SHANK2: variants seen among roughly 807,000 people sequenced by gnomAD.
SHANK2 encodes SH3 and multiple ankyrin repeat domains protein 2.
Under a neutral mutation model 133.7 loss-of-function variants are expected in SHANK2, and 43 were observed. The ratio of observed to expected loss-of-function variants is 0.32; its 90% CI spans 0.25 to 0.41. The LOEUF (loss-of-function observed/expected upper bound fraction) is 0.41, where lower values mean the gene tolerates loss of function less well. Ranked by LOEUF, SHANK2 falls within the 10% of genes least tolerant of loss-of-function variation. The pLI is 1.00. For synonymous variants in SHANK2, 1,017 were observed against 952.8 expected (o/e 1.07, Z -1.24); for missense variants, 1,994 against 2,235.8 (o/e 0.89, Z 2.18).
chr11:70,550,855 G>T (rs1261384007), intron 17 of SHANK2, among the ~76,000 whole-genome samples: 3 of 152,210 alleles, frequency 2.0e-5, no homozygotes, highest in Non-Finnish European at 1.5e-5. Context: ...CAGCCTCAGG[G>T]CCTCCATGGA....
At chr11:71,077,431 A>G (rs1951236260) in intron 8 of SHANK2, among the ~76,000 whole-genome samples, 2 of 152,170 alleles carry the variant, frequency 1.3e-5, no homozygotes, top group African/African-American at 4.8e-5. Context: ...GATGAAACGG[A>G]ACCGCTGACT....
intron 2 of SHANK2, among the ~76,000 whole-genome samples, chr11:71,150,827 C>T (rs1555107920): frequency 6.6e-6 from 1 of 152,032 alleles, no homozygotes; most frequent in African/African-American, 2.4e-5. Context: ...TCACAAGGCA[C>T]AGATGACAGC....
intron 17 of SHANK2, among the ~76,000 whole-genome samples, chr11:70,520,404 T>C (rs1388205333): frequency 6.6e-6 from 1 of 152,206 alleles, no homozygotes; most frequent in Non-Finnish European, 1.5e-5. Context: ...GTCAGGTCTT[T>C]TGTTCTACCC....
intron 1 of SHANK2, among the ~76,000 whole-genome samples, chr11:71,243,714 T>C (rs1308082689): frequency 6.6e-6 from 1 of 151,928 alleles, no homozygotes; most frequent in African/African-American, 2.4e-5. Flanking sequence ...ATAACAATAA[T>C]AATAATGAGA....
chr11:71,169,236 A>G (rs1254913496), intron 2 of SHANK2, among the ~76,000 whole-genome samples: 1 of 152,154 alleles, frequency 6.6e-6, no homozygotes, highest in East Asian at 1.9e-4. Context: ...CTTCTGATTG[A>G]CTAAGCTCGT....
chr11:70,925,750 T>G (rs1052762332), intron 10 of SHANK2, among the ~76,000 whole-genome samples: 1 of 152,160 alleles, frequency 6.6e-6, no homozygotes, highest in Non-Finnish European at 1.5e-5. Context: ...CACTAACTTC[T>G]TATTGTCCAG....
rs939758426 is a variant in SHANK2, at chr11:71,067,123, C to T, written c.1029+8036G>A. On this transcript the variant is annotated intron_variant, in intron 9 of 25. Coordinates refer to ENST00000601538, the MANE Select transcript of SHANK2 (RefSeq NM_012309.5). ...GAAGGAAAGGGCGTGTGGACACCGTCGCCATTCAGCGAGACCCACACCCAC... is the reference window on the plus strand; with the variant it reads ...GAAGGAAAGGGCGTGTGGACACCGTTGCCATTCAGCGAGACCCACACCCAC... Among the ~76,000 whole-genome samples the T allele has an allele frequency of 2.2e-4, 34 of 152,298 alleles. 1 individual carries two copies. In the East Asian group the frequency reaches 5.4e-3, roughly 24 times the overall value.
intron 1 of SHANK2, among the ~76,000 whole-genome samples, chr11:71,236,132 C>G (rs2135788042): frequency 6.6e-6 from 1 of 152,330 alleles, no homozygotes; most frequent in South Asian, 2.1e-4. Context: ...CGGGACCCGT[C>G]TCACCATCCA....
intron 11 of SHANK2, among the ~76,000 whole-genome samples, chr11:70,890,832 C>T (rs1280290896): frequency 6.7e-6 from 1 of 148,678 alleles, no homozygotes; most frequent in Non-Finnish European, 1.5e-5. Context: ...GGCATGGTGG[C>T]AGGCGCCTGT....
At chr11:70,770,500 C>T (rs1223969362) in intron 14 of SHANK2, among the ~76,000 whole-genome samples, 1 of 152,224 alleles carries the variant, frequency 6.6e-6, no homozygotes, top group East Asian at 1.9e-4. Context: ...AGCCACTGTG[C>T]CTGGAGCGGC....
Position 71,208,325 on chromosome 11 carries a change from G to A in SHANK2, c.-13+16372C>T, listed in dbSNP as rs571587415. On this transcript the variant is annotated intron_variant, in intron 2 of 25. Transcript: ENST00000601538. ...AGTGTCAGGGGAGATGGGGAAGTTG[G>A]GGGGAGAAGGGACACGCACCAGAGC... 3.6e-4 allele frequency among the ~76,000 whole-genome samples: 55 copies of A among 152,194 alleles called. No individual in the cohort carries two copies. In the East Asian group the frequency reaches 8.9e-3, roughly 25 times the overall value.
At chr11:71,138,896 T>C (rs1160679492) in intron 3 of SHANK2, among the ~76,000 whole-genome samples, 1 of 151,834 alleles carries the variant, frequency 6.6e-6, no homozygotes, top group African/African-American at 2.4e-5. Context: ...AGCAGATGCA[T>C]GCCACAGGGT....
chr11:71,152,749 G>A lies in SHANK2; in HGVS notation c.-12-5411C>T, dbSNP rs189196675. 2.0e-3 allele frequency among the ~76,000 whole-genome samples: 300 copies of A among 152,226 alleles called. 5 individuals carry two copies. In the Middle Eastern group the frequency reaches 0.021, roughly 10 times the overall value. ...AGGAGAAGGCTGGGTCACACCTCCC[G>A]GGCTCTTTCCAGAACTATCCTGGGA... On this transcript the variant is annotated intron_variant, in intron 2 of 25. Transcript: ENST00000601538.
intron 3 of SHANK2, among the ~76,000 whole-genome samples, chr11:71,143,040 G>A (rs1171029577): frequency 6.6e-6 from 1 of 152,068 alleles, no homozygotes; most frequent in Non-Finnish European, 1.5e-5. Flanking sequence ...TCAAGACCAG[G>A]CTGGGCAACA....
chr11:70,676,398 G>A (rs1157309963), intron 15 of SHANK2, among the ~76,000 whole-genome samples: 1 of 152,230 alleles, frequency 6.6e-6, no homozygotes, highest in Non-Finnish European at 1.5e-5. Flanking sequence ...AGTGGGGGTT[G>A]GGGAACTGCT....
At chr11:70,897,042 T>C (rs904252114) in intron 10 of SHANK2, among the ~76,000 whole-genome samples, 4 of 152,252 alleles carry the variant, frequency 2.6e-5, no homozygotes, top group Non-Finnish European at 5.9e-5. Flanking sequence ...ATTTCAGTTA[T>C]GTGGGAAAAA....
intron 3 of SHANK2, among the ~76,000 whole-genome samples, chr11:71,141,808 G>A (rs1555105859): frequency 6.6e-6 from 1 of 151,948 alleles, no homozygotes; most frequent in African/African-American, 2.4e-5. Flanking sequence ...GGAGCCAAAC[G>A]GAATTCACCC....
In SHANK2 at chr11:70,661,720, C is replaced by T. The variant is rs574470596; in HGVS notation, c.1854-42G>A. 1.4e-5 allele frequency: 22 copies of T among 1,614,114 alleles called. No individual in the cohort carries two copies. In the South Asian group the frequency reaches 1.9e-4, roughly 14 times the overall value. ...GGGGACAGCGACCATTATTGTAGCC[C>T]GTCATCATCACCGCGGCCGCTCCTC... On this transcript the variant is annotated intron_variant, in intron 15 of 25. Coordinates refer to ENST00000601538, the MANE Select transcript of SHANK2 (RefSeq NM_012309.5).
intron 14 of SHANK2, among the ~76,000 whole-genome samples, chr11:70,756,525 T>G (rs1044269346): frequency 9.2e-5 from 14 of 152,018 alleles, no homozygotes; most frequent in African/African-American, 3.4e-4. Flanking sequence ...GCACGCTCCT[T>G]CCCTCCAGCT....
Sources: gnomAD v4.1 joint callset for allele counts (sites outside exome capture counted in the v4.1 genomes callset) on GRCh38, gnomAD v4.1.1 for gene constraint, MANE v1.5 for transcripts, NCBI Gene and HGNC (gene_info 2026-07-23, HGNC 2026-07-21) for gene names.